The following CRTC1 variants were observed in gnomAD, a reference collection of about 807,000 sequenced individuals.
CRTC1 encodes the protein CREB-regulated transcription coactivator 1.
In CRTC1, 18 loss-of-function variants were observed where a neutral mutation model predicts 66.1. That is an observed-to-expected ratio of 0.27 (90% CI 0.19 to 0.40). The LOEUF is 0.40. Among genes scored for constraint, CRTC1 ranks in the 10% least tolerant of loss-of-function variants. The pLI is 1.00. For synonymous variants in CRTC1, 416 were observed against 398.8 expected (o/e 1.04, Z -0.51); for missense variants, 669 against 887.9 (o/e 0.75, Z 3.13).
At chr19:18,693,878 C>A (rs1227276862) in intron 1 of CRTC1, among the ~76,000 whole-genome samples, 1 of 151,878 alleles carries the variant, frequency 6.6e-6, no homozygotes, top group African/African-American at 2.4e-5. Flanking sequence ...TCACACCTGT[C>A]ATCCCAGAGC....
chr19:18,770,128 C>T (rs2054829048), intron 10 of CRTC1, among the ~76,000 whole-genome samples: 1 of 152,084 alleles, frequency 6.6e-6, no homozygotes, highest in Admixed American at 6.5e-5. Flanking sequence ...GGCTGGGCCT[C>T]ATTCAGTGAC....
At chr19:18,731,527 A>G (rs1300139012) in intron 1 of CRTC1, among the ~76,000 whole-genome samples, 1 of 152,138 alleles carries the variant, frequency 6.6e-6, no homozygotes, top group Admixed American at 6.5e-5. Context: ...CTCTCTTTTC[A>G]AATAAGGTCA....
rs150925380 is a variant in CRTC1, at chr19:18,748,057, A to G, written c.443+943A>G. 4.6e-5 allele frequency among the ~76,000 whole-genome samples: 7 copies of G among 152,288 alleles called. No individual in the cohort carries two copies. In the East Asian group the frequency reaches 1.4e-3, roughly 29 times the overall value. ...ATGCCACTACAGTCCAGCCTGGGCC[A>G]CAGAGCGAGACCCTGTCTCCAAGGC... On this transcript the variant is annotated intron_variant, in intron 4 of 13. Coordinates refer to ENST00000321949, the MANE Select transcript of CRTC1 (RefSeq NM_015321.3).
At chr19:18,698,191 A>G (rs1430956054) in intron 1 of CRTC1, among the ~76,000 whole-genome samples, 1 of 150,314 alleles carries the variant, frequency 6.7e-6, no homozygotes, top group African/African-American at 2.5e-5. Flanking sequence ...GCAGGCACAC[A>G]GTGTATACTC....
intron 5 of CRTC1, among the ~76,000 whole-genome samples, chr19:18,752,147 C>CAAAA (rs35618318): frequency 3.3e-5 from 3 of 90,608 alleles, no homozygotes; most frequent in Non-Finnish European, 4.6e-5. Flanking sequence ...AAGACTGTCT[C>CAAAA]AAAAAAAAAA....
Position 18,778,038 on chromosome 19 carries a change from C to T in CRTC1, c.*656C>T. 4.3e-6 allele frequency: 1 copy of T among 233,968 alleles called. No individual in the cohort carries two copies. The highest frequency in any genetic ancestry group is 8.4e-6 in the Non-Finnish European group (1 of 118,604). 14.5% of individuals were successfully genotyped at this position (233,968 alleles called of 1,614,324 possible). ...GGACAGAGCATGCAGGGCGGCGGACCCCCCCACGACCCTCCTCGCCCTGTC... is the reference window on the plus strand; with the variant it reads ...GGACAGAGCATGCAGGGCGGCGGACTCCCCCACGACCCTCCTCGCCCTGTC... On this transcript the variant is annotated 3_prime_UTR_variant, in exon 14 of 14. Coordinates refer to ENST00000321949, the MANE Select transcript of CRTC1 (RefSeq NM_015321.3).
chr19:18,761,888 C>T (rs895202885), intron 8 of CRTC1, among the ~76,000 whole-genome samples: 2 of 152,094 alleles, frequency 1.3e-5, no homozygotes, highest in African/African-American at 2.4e-5. Context: ...ATTGAGGCTG[C>T]ATTCTGACTC....
intron 12 of CRTC1, 102 bp downstream of exon 12, chr19:18,775,088 C>T (rs573562515): frequency 1.0e-5 from 12 of 1,171,758 alleles, no homozygotes; most frequent in Non-Finnish European, 1.3e-5. Flanking sequence ...TGCACGTGCT[C>T]GGGGGGCCCG....
At chr19:18,716,626 T>C (rs1381952597) in intron 1 of CRTC1, among the ~76,000 whole-genome samples, 1 of 152,100 alleles carries the variant, frequency 6.6e-6, no homozygotes, top group African/African-American at 2.4e-5. Flanking sequence ...CATTAGTGTG[T>C]GGAGAGGGCA....
intron 13 of CRTC1, among the ~76,000 whole-genome samples, chr19:18,776,599 GC>G (rs2054994456): frequency 6.6e-6 from 1 of 152,214 alleles, no homozygotes; most frequent in Admixed American, 6.5e-5. Context: ...GGGTGGACGC[GC>G]CAGCCTCAGA....
rs138280590 is a variant in CRTC1 at position 18,769,486 on chromosome 19, G to A, written c.1320+693G>A. ...CCCGACTGCCAGCCCCAGGCTAAATGTCCTCCAAACATTGTGTGCTCTGCA... is the reference window on the plus strand; with the variant it reads ...CCCGACTGCCAGCCCCAGGCTAAATATCCTCCAAACATTGTGTGCTCTGCA... On this transcript the variant is annotated intron_variant, in intron 10 of 13. Transcript: ENST00000321949. Among the ~76,000 whole-genome samples, 383 of 152,346 alleles carry A rather than the reference G, an allele frequency of 2.5e-3. 1 individual carries two copies. The highest frequency in any genetic ancestry group is 9.0e-3 in the African/African-American group (374 of 41,580).
intron 1 of CRTC1, among the ~76,000 whole-genome samples, chr19:18,731,460 C>A (rs2053886578): frequency 6.6e-6 from 1 of 152,182 alleles, no homozygotes. Flanking sequence ...CAGGGACCTC[C>A]TTAATTCCAG....
chr19:18,720,178 G>A (rs1332914870), intron 1 of CRTC1, among the ~76,000 whole-genome samples: 3 of 152,042 alleles, frequency 2.0e-5, no homozygotes, highest in Non-Finnish European at 4.4e-5. Context: ...GTTTTGTTTT[G>A]TTTTTGAGAT....
At chr19:18,762,311 G>A (rs1012953096) in intron 8 of CRTC1, among the ~76,000 whole-genome samples, 4 of 152,222 alleles carry the variant, frequency 2.6e-5, no homozygotes, top group Admixed American at 6.5e-5. Flanking sequence ...TGGCCAGAGC[G>A]GCCCGGTAAT....
intron 9 of CRTC1, among the ~76,000 whole-genome samples, chr19:18,767,960 A>C (rs1185431306): frequency 2.0e-5 from 3 of 151,964 alleles, no homozygotes; most frequent in Non-Finnish European, 2.9e-5. Context: ...CTTCCCTCTT[A>C]TTGATTTTCC....
At chr19:18,755,533 G>A (rs2054464093) in intron 6 of CRTC1, among the ~76,000 whole-genome samples, 1 of 150,744 alleles carries the variant, frequency 6.6e-6, no homozygotes, top group Non-Finnish European at 1.5e-5. Context: ...GGGCTCAGGC[G>A]ATCCTCCTGC....
Position 18,771,383 on chromosome 19 carries a change from G to A in CRTC1, c.1321-59G>A. On this transcript the variant is annotated intron_variant, in intron 10 of 13. Coordinates refer to ENST00000321949, the MANE Select transcript of CRTC1 (RefSeq NM_015321.3). The surrounding 1 kb of genome is among the most constrained non-coding windows in gnomAD (Gnocchi z 4.6). ...GATCAGGCTGCTCCCGGGAAGCAGG[G>A]ACTGGAGCCCGGGCTTGGGCAGCTG... 1 of 1,450,848 alleles carries A rather than the reference G, an allele frequency of 6.9e-7. No individual in the cohort carries two copies. Among genetic ancestry groups the A allele is most frequent in the East Asian group, 2.5e-5 (1 of 39,544 alleles). 89.9% of individuals were successfully genotyped at this position (1,450,848 alleles called of 1,614,324 possible).
chr19:18,696,212 G>A (rs917803374), intron 1 of CRTC1, among the ~76,000 whole-genome samples: 2 of 152,152 alleles, frequency 1.3e-5, no homozygotes, highest in Non-Finnish European at 2.9e-5. Flanking sequence ...TGTTTTTGCC[G>A]TGTCACGGAG....
At chr19:18,730,947 A>G (rs112253475) in intron 1 of CRTC1, among the ~76,000 whole-genome samples, 1,788 of 147,166 alleles carry the variant, frequency 0.012, 19 homozygotes, top group Non-Finnish European at 0.015. Context: ...GGGGCTGAGT[A>G]TCCTTCCCTC....
Sources: allele counts gnomAD v4.1 joint callset (sites outside exome capture counted in the v4.1 genomes callset), GRCh38; gene constraint gnomAD v4.1.1; non-coding constraint Gnocchi (gnomAD v3.1); transcripts MANE v1.5; gene names NCBI Gene and HGNC (gene_info 2026-07-23, HGNC 2026-07-21).